CTNNA3: variants seen among roughly 807,000 people sequenced by gnomAD.
CTNNA3 encodes the protein catenin alpha 3, also known as catenin alpha-3.
Under a neutral mutation model 95.7 loss-of-function variants are expected in CTNNA3, and 76 were observed. The ratio of observed to expected loss-of-function variants is 0.79; its 90% CI spans 0.66 to 0.96. The LOEUF (loss-of-function observed/expected upper bound fraction) is 0.96, where lower values mean the gene tolerates loss of function less well. Among genes scored for constraint, CTNNA3 ranks in the 40% least tolerant of loss-of-function variants. The probability of loss-of-function intolerance (pLI) is 0.00; values close to 1 mark genes in which losing one functional copy is unlikely to be tolerated. For synonymous variants in CTNNA3, 431 were observed against 374.4 expected (o/e 1.15, Z -1.74); for missense variants, 1,191 against 1,089.8 (o/e 1.09, Z -1.31).
At chr10:66,444,678 T>G (rs2093404513) in intron 11 of CTNNA3, among the ~76,000 whole-genome samples, 1 of 152,090 alleles carries the variant, frequency 6.6e-6, no homozygotes, top group South Asian at 2.1e-4. Context: ...AAGGAAGCAC[T>G]AAACATGGAA....
At chr10:66,865,377 G>T (rs1376231924) in intron 7 of CTNNA3, among the ~76,000 whole-genome samples, 1 of 151,972 alleles carries the variant, frequency 6.6e-6, no homozygotes, top group Non-Finnish European at 1.5e-5. Context: ...AAATATAAAG[G>T]TGCCAGCATT....
chr10:67,391,058 C>T (rs1410271408), intron 5 of CTNNA3, among the ~76,000 whole-genome samples: 1 of 150,940 alleles, frequency 6.6e-6, no homozygotes, highest in Admixed American at 6.6e-5. Context: ...CTGGCCAGGG[C>T]AATTAGGCAG....
chr10:67,705,118 T>G (rs1246522296), intron 1 of CTNNA3, among the ~76,000 whole-genome samples: 6 of 152,110 alleles, frequency 3.9e-5, no homozygotes, highest in Admixed American at 3.9e-4. Context: ...CATTAAAAAG[T>G]CAGGAAACAA....
intron 5 of CTNNA3, among the ~76,000 whole-genome samples, chr10:67,471,714 C>CCTGCAAA (rs1424577332): frequency 1.3e-5 from 2 of 152,052 alleles, no homozygotes; most frequent in African/African-American, 4.8e-5. Flanking sequence ...TTTAGACATG[C>CCTGCAAA]CTGCATCTTG....
chr10:66,533,680 T>C (rs949035297), intron 10 of CTNNA3, among the ~76,000 whole-genome samples: 9 of 152,168 alleles, frequency 5.9e-5, no homozygotes, highest in African/African-American at 1.7e-4. Flanking sequence ...TAAGGCTCCT[T>C]CTACTTTGCA....
intron 7 of CTNNA3, among the ~76,000 whole-genome samples, chr10:67,021,391 T>C (rs1467085042): frequency 2.6e-5 from 4 of 152,134 alleles, no homozygotes; most frequent in Admixed American, 6.5e-5. Context: ...GGAAAGAAAT[T>C]TGATATTTTA....
intron 5 of CTNNA3, among the ~76,000 whole-genome samples, chr10:67,370,860 G>GTTTTT (rs897049286): frequency 6.9e-6 from 1 of 144,564 alleles, no homozygotes; most frequent in African/African-American, 2.7e-5. Context: ...TTAAGAGGAA[G>GTTTTT]TTTTTTTTGT....
intron 4 of CTNNA3, among the ~76,000 whole-genome samples, chr10:67,534,430 C>T (rs1238494528): frequency 6.6e-6 from 1 of 152,078 alleles, no homozygotes; most frequent in Non-Finnish European, 1.5e-5. Flanking sequence ...CTATTCTTTA[C>T]TGCATTCCAA....
chr10:66,842,462 C>A (rs895369635), intron 7 of CTNNA3, among the ~76,000 whole-genome samples: 10 of 152,106 alleles, frequency 6.6e-5, no homozygotes, highest in African/African-American at 1.2e-4. Context: ...TGAATCAATG[C>A]CAGTAACCCA....
At chr10:65,961,404 T>C (rs2077839949) in intron 17 of CTNNA3, among the ~76,000 whole-genome samples, 1 of 152,182 alleles carries the variant, frequency 6.6e-6, no homozygotes, top group African/African-American at 2.4e-5. Flanking sequence ...ATGTGTACTT[T>C]TAAGGCTAAG....
intron 6 of CTNNA3, among the ~76,000 whole-genome samples, chr10:67,205,420 C>T (rs2132223994): frequency 6.6e-6 from 1 of 152,180 alleles, no homozygotes; most frequent in Non-Finnish European, 1.5e-5. Context: ...TTCTTATTTA[C>T]CCACCAAAAT....
chr10:67,487,840 C>T (rs757807198), intron 5 of CTNNA3, among the ~76,000 whole-genome samples: 1 of 152,204 alleles, frequency 6.6e-6, no homozygotes, highest in Non-Finnish European at 1.5e-5. Context: ...TGACCTTCCT[C>T]ACCCCTAGGT....
At chr10:66,176,096 A>G (rs1354729291) in intron 13 of CTNNA3, among the ~76,000 whole-genome samples, 2 of 152,220 alleles carry the variant, frequency 1.3e-5, no homozygotes, top group African/African-American at 2.4e-5. Context: ...AGAAATCTGC[A>G]GAGCCCTTTC....
intron 7 of CTNNA3, among the ~76,000 whole-genome samples, chr10:66,782,318 G>A (rs1840568431): frequency 6.6e-6 from 1 of 152,036 alleles, no homozygotes; most frequent in Admixed American, 6.6e-5. Flanking sequence ...TGTCACACTT[G>A]GGTTTCTTGA....
chr10:67,442,633 ATCAAT>A (rs1191483103), intron 5 of CTNNA3, among the ~76,000 whole-genome samples: 1 of 152,152 alleles, frequency 6.6e-6, no homozygotes, highest in Non-Finnish European at 1.5e-5. Context: ...ATTATAAAGG[ATCAAT>A]TCAGCATGAT....
chr10:66,057,572 T>G (rs1452034960), intron 15 of CTNNA3, among the ~76,000 whole-genome samples: 2 of 152,170 alleles, frequency 1.3e-5, no homozygotes, highest in Non-Finnish European at 2.9e-5. Context: ...TATTAAAGCA[T>G]TTCTCATCAG....
chr10:67,471,571 G>A (rs1847831042), intron 5 of CTNNA3, among the ~76,000 whole-genome samples: 1 of 152,120 alleles, frequency 6.6e-6, no homozygotes, highest in Non-Finnish European at 1.5e-5. Flanking sequence ...TAACTCTTCA[G>A]AAACTGAAGA....
chr10:66,078,069 A>G (rs1437871445), intron 14 of CTNNA3, among the ~76,000 whole-genome samples: 1 of 151,804 alleles, frequency 6.6e-6, no homozygotes, highest in Non-Finnish European at 1.5e-5. Flanking sequence ...TTGATATCTT[A>G]CTTTTGTCTT....
intron 13 of CTNNA3, among the ~76,000 whole-genome samples, chr10:66,136,717 T>C (rs202144577): frequency 2.3e-5 from 1 of 42,970 alleles, no homozygotes; most frequent in Non-Finnish European, 4.7e-5. Flanking sequence ...GAAGAGAGCA[T>C]TGTGTTGTAT....
Sources: allele counts gnomAD v4.1 joint callset (sites outside exome capture counted in the v4.1 genomes callset), GRCh38; gene constraint gnomAD v4.1.1; transcripts MANE v1.5; gene names NCBI Gene and HGNC (gene_info 2026-07-23, HGNC 2026-07-21).